The following ARMC9 variants were observed in gnomAD, a reference collection of about 807,000 sequenced individuals.
ARMC9 encodes the protein lisH domain-containing protein ARMC9.
In ARMC9, 94 loss-of-function variants were observed where a neutral mutation model predicts 107.0. That is an observed-to-expected ratio of 0.88 (90% CI 0.74 to 1.04). The LOEUF (loss-of-function observed/expected upper bound fraction) is 1.04, where lower values mean the gene tolerates loss of function less well. Among genes scored for constraint, ARMC9 ranks in the 50% least tolerant of loss-of-function variants. The pLI is 0.00. For missense variants in ARMC9, 942 were observed against 1,030.1 expected (o/e 0.91, Z 1.17); for synonymous variants, 380 against 396.9 (o/e 0.96, Z 0.51).
chr2:231,280,307 A>T (rs2040106001), intron 16 of ARMC9, among the ~76,000 whole-genome samples: 1 of 152,088 alleles, frequency 6.6e-6, no homozygotes. Context: ...AAAATACAAA[A>T]ATTAGCCAGG....
At chr2:231,290,262 T>G (rs1333755266) in intron 17 of ARMC9, among the ~76,000 whole-genome samples, 1 of 152,244 alleles carries the variant, frequency 6.6e-6, no homozygotes, top group Non-Finnish European at 1.5e-5. Context: ...AATACTGATT[T>G]AACTTTTCTA....
chr2:231,275,310 C>T (rs909760225), intron 14 of ARMC9, among the ~76,000 whole-genome samples: 8 of 152,070 alleles, frequency 5.3e-5, no homozygotes, highest in African/African-American at 1.4e-4. Context: ...CCATAACCTG[C>T]GCATCCGGAG....
intron 19 of ARMC9, among the ~76,000 whole-genome samples, chr2:231,310,704 A>C (rs1006493341): frequency 6.6e-6 from 1 of 151,656 alleles, no homozygotes; most frequent in East Asian, 1.9e-4. Context: ...GTGCCATTGC[A>C]CTCCAGCCTG....
At chr2:231,349,392 T>G (rs1575159275) in intron 21 of ARMC9, among the ~76,000 whole-genome samples, 1 of 151,848 alleles carries the variant, frequency 6.6e-6, no homozygotes, top group African/African-American at 2.4e-5. Context: ...CTCATGGAGA[T>G]AGAGAGTAGA....
At chr2:231,312,855 G>A (rs1301526793) in intron 19 of ARMC9, among the ~76,000 whole-genome samples, 2 of 152,120 alleles carry the variant, frequency 1.3e-5, no homozygotes, top group Non-Finnish European at 2.9e-5. Flanking sequence ...TGAACAGAGT[G>A]CCTTGGGTGT....
At chr2:231,287,737 G>A (rs146382167) in intron 17 of ARMC9, among the ~76,000 whole-genome samples, 43 of 152,172 alleles carry the variant, frequency 2.8e-4, no homozygotes, top group African/African-American at 8.9e-4. Context: ...GAGTCACCAC[G>A]CCTGGCCTAA....
chr2:231,289,198 A>G lies in ARMC9; in HGVS notation c.1627-2155A>G, dbSNP rs904101046. Among the ~76,000 whole-genome samples the G allele has an allele frequency of 2.0e-4, 30 of 152,186 alleles. 1 individual carries two copies. Among genetic ancestry groups the G allele is most frequent in the Non-Finnish European group, 4.3e-4 (29 of 68,024 alleles). The stretch of plus-strand genomic sequence containing the variant: ...TACATGATATTTTGGCTGGGCACAC[A>G]ACTCACACCTGTAATCCCACCACTT... On this transcript the variant is annotated intron_variant, in intron 17 of 24. Coordinates refer to ENST00000611582, the MANE Select transcript of ARMC9 (RefSeq NM_001352754.2).
At position 231,376,541 on chromosome 2, in the gene ARMC9, G is replaced by A. The variant is rs1186831968; in HGVS notation, c.*5006G>A. Among the ~76,000 whole-genome samples the A allele has an allele frequency of 2.0e-5, 3 of 152,098 alleles. No homozygotes were observed. The highest frequency in any genetic ancestry group is 6.6e-5 in the Admixed American group (1 of 15,262). On this transcript the variant is annotated 3_prime_UTR_variant, in exon 25 of 25. Coordinates refer to ENST00000611582, the MANE Select transcript of ARMC9 (RefSeq NM_001352754.2). ...GGAAATTCCCGCCTAATAAATTTTGGTCAGACCGGTTGCTCTCAAACCCTG... is the reference window on the plus strand; with the variant it reads ...GGAAATTCCCGCCTAATAAATTTTGATCAGACCGGTTGCTCTCAAACCCTG...
At position 231,276,725 on chromosome 2, in the gene ARMC9, C is replaced by A; in HGVS notation, c.1424C>A (p.Thr475Lys). Reference sequence around the variant, plus strand: ...GACCCTGACTGCCTGTCTGACTACACGCTGGAGTACTCGGTGGCTTTGCTC... The same window carrying A: ...GACCCTGACTGCCTGTCTGACTACAAGCTGGAGTACTCGGTGGCTTTGCTC... Reference protein sequence around the residue: ...LKDPDCLSDYTLEYSVALLMN... With the variant: ...LKDPDCLSDYKLEYSVALLMN... Residue 475 changes from threonine (T) to lysine (K), a missense_variant, in exon 15 of 25, where the codon ACG becomes AAG. Transcript: ENST00000611582. 6.2e-7 allele frequency: 1 copy of A among 1,614,144 alleles called. No homozygotes were observed. The highest frequency in any genetic ancestry group is 8.5e-7 in the Non-Finnish European group (1 of 1,180,024).
chr2:231,316,179 T>G (rs1334278644), intron 19 of ARMC9, among the ~76,000 whole-genome samples: 1 of 151,982 alleles, frequency 6.6e-6, no homozygotes, highest in Non-Finnish European at 1.5e-5. Context: ...TGTGTGTGTG[T>G]GTGTGTGTGT....
chr2:231,276,583 T>G, intron 14 of ARMC9, 53 bp from the exon 15 acceptor site: 1 of 1,610,580 alleles, frequency 6.2e-7, no homozygotes, highest in South Asian at 1.1e-5. Flanking sequence ...TGTTTCCTCT[T>G]ATATGAAAAG....
rs765861058 is a variant in ARMC9 at position 231,375,214 on chromosome 2, G to C, written c.*3679G>C. Among the ~76,000 whole-genome samples the C allele has an allele frequency of 6.6e-6, 1 of 152,204 alleles. No homozygotes were observed. The highest frequency in any genetic ancestry group is 1.5e-5 in the Non-Finnish European group (1 of 68,044). On this transcript the variant is annotated 3_prime_UTR_variant, in exon 25 of 25. Transcript: ENST00000611582. The surrounding 1 kb of genome is among the most constrained non-coding windows in gnomAD (Gnocchi z 4.3). ...TGGTCAGAGGGCAGTCAGGGGCTTC[G>C]CTCATGTCTGGTAGTTGGCTGTTGG...
chr2:231,258,542 G>T (rs541093781), intron 10 of ARMC9, among the ~76,000 whole-genome samples: 5 of 152,158 alleles, frequency 3.3e-5, no homozygotes, highest in Non-Finnish European at 5.9e-5. Context: ...CGGTCCAGTA[G>T]CTCAGGCTTG....
At chr2:231,291,763 C>G (rs957473935) in intron 18 of ARMC9, among the ~76,000 whole-genome samples, 2 of 149,782 alleles carry the variant, frequency 1.3e-5, no homozygotes, top group African/African-American at 4.9e-5. Context: ...TGCAGTGAGC[C>G]GAGATTGCAC....
Position 231,220,629 on chromosome 2 carries a change from C to T in ARMC9, c.505-2099C>T, listed in dbSNP as rs1175500098. ...AAAAAAAAAAAAAAAAATTCCTTGG[C>T]TTCCTAGCTCTAATTTTCCTCCTGT... is the stretch of plus-strand genomic sequence containing the variant. On this transcript the variant is annotated intron_variant, in intron 5 of 24. Coordinates refer to ENST00000611582, the MANE Select transcript of ARMC9 (RefSeq NM_001352754.2). Among the ~76,000 whole-genome samples, 3 of 150,278 alleles carry T rather than the reference C, an allele frequency of 2.0e-5. No individual in the cohort carries two copies. The East Asian group carries it at 5.9e-4, about 29-fold the overall frequency.
chr2:231,231,888 C>T (rs1038651427), intron 7 of ARMC9, among the ~76,000 whole-genome samples: 3 of 151,158 alleles, frequency 2.0e-5, no homozygotes, highest in South Asian at 2.1e-4. Flanking sequence ...GGGGTTTCCC[C>T]GTGTTGGCCA....
chr2:231,237,753 GTATATATA>G (rs1226959333), intron 8 of ARMC9, among the ~76,000 whole-genome samples: 508 of 24,418 alleles, frequency 0.021, 12 homozygotes, highest in Middle Eastern at 0.088. Flanking sequence ...TTGGCTATAT[GTATATATA>G]TATATATATA....
intron 19 of ARMC9, among the ~76,000 whole-genome samples, chr2:231,306,922 A>G (rs1453529556): frequency 1.3e-5 from 2 of 152,202 alleles, no homozygotes; most frequent in Non-Finnish European, 2.9e-5. Context: ...TCTTGACCAG[A>G]GCCACAGGTG....
At chr2:231,316,348 C>T (rs2042678370) in intron 19 of ARMC9, among the ~76,000 whole-genome samples, 1 of 151,844 alleles carries the variant, frequency 6.6e-6, no homozygotes, top group South Asian at 2.1e-4. Context: ...ATTTTTGAAG[C>T]ATAGTTTCAC....
Sources: allele counts gnomAD v4.1 joint callset (sites outside exome capture counted in the v4.1 genomes callset), GRCh38; gene constraint gnomAD v4.1.1; non-coding constraint Gnocchi (gnomAD v3.1); transcripts MANE v1.5; gene names NCBI Gene and HGNC (gene_info 2026-07-23, HGNC 2026-07-21).